Variants in SACM1L observed in about 807,000 individuals in gnomAD.
The protein encoded by SACM1L is phosphatidylinositol-3-phosphatase SAC1.
A neutral mutation model predicts 89.5 loss-of-function variants in SACM1L; 32 were observed. That is an observed-to-expected ratio of 0.36 (90% CI 0.27 to 0.48). The LOEUF (loss-of-function observed/expected upper bound fraction) is 0.48, where lower values mean the gene tolerates loss of function less well. Ranked by LOEUF, SACM1L falls within the 20% of genes least tolerant of loss-of-function variation. SACM1L has a pLI of 0.99. For missense variants in SACM1L, 543 were observed against 708.5 expected (o/e 0.77, Z 2.65); for synonymous variants, 213 against 232.8 (o/e 0.92, Z 0.77).
chr3:45,733,096 G>A (rs1197763326), intron 13 of SACM1L, among the ~76,000 whole-genome samples: 1 of 152,216 alleles, frequency 6.6e-6, no homozygotes, highest in Non-Finnish European at 1.5e-5. Flanking sequence ...TGTTGTTGGA[G>A]GAGGTAGTTC....
At chr3:45,713,974 G>T (rs1698582389) in intron 6 of SACM1L, 72 bp from the exon 7 acceptor site, 3 of 785,022 alleles carry the variant, frequency 3.8e-6, no homozygotes, top group Non-Finnish European at 5.9e-6. Context: ...ACCTCCCTAT[G>T]TGTAAATATT....
At chr3:45,731,834 T>C (rs1699060953) in intron 12 of SACM1L, among the ~76,000 whole-genome samples, 1 of 152,182 alleles carries the variant, frequency 6.6e-6, no homozygotes, top group Admixed American at 6.5e-5. Flanking sequence ...GCACATATCA[T>C]ATATATATTT....
intron 7 of SACM1L, among the ~76,000 whole-genome samples, chr3:45,715,489 T>C (rs1698630123): frequency 1.3e-5 from 2 of 152,174 alleles, no homozygotes; most frequent in African/African-American, 4.8e-5. Context: ...TAAATGTGTT[T>C]ATTCAGCCGG....
At chr3:45,717,785 A>C (rs1698695092) in intron 7 of SACM1L, among the ~76,000 whole-genome samples, 1 of 152,242 alleles carries the variant, frequency 6.6e-6, no homozygotes, top group African/African-American at 2.4e-5. Flanking sequence ...ACATGGTGGC[A>C]TGTGCCTGTA....
intron 19 of SACM1L, 43 bp from the exon 20 acceptor site, chr3:45,743,490 C>G: frequency 6.4e-7 from 1 of 1,571,924 alleles, no homozygotes; most frequent in Non-Finnish European, 8.6e-7. Flanking sequence ...GGTCTGATAT[C>G]AACAAACGAC....
At chr3:45,714,187 G>A in intron 7 of SACM1L, 108 bp downstream of exon 7, 3 of 483,508 alleles carry the variant, frequency 6.2e-6, no homozygotes, top group South Asian at 5.2e-5. Context: ...GAGTATTTCA[G>A]AATTAATATA....
rs1255397907 is a variant in SACM1L at position 45,737,792 on chromosome 3, G to A, written c.1330G>A (p.Ala444Thr). 1 of 1,614,132 alleles carries A rather than the reference G, an allele frequency of 6.2e-7. No individual in the cohort carries two copies. Among genetic ancestry groups the A allele is most frequent in the East Asian group, 2.2e-5 (1 of 44,890 alleles). The change falls in exon 16 of 20, where the codon GCT becomes ACT. Residue 444 changes from alanine to threonine, a missense_variant. Physicochemically the swap from Ala to Thr is moderately conservative, Grantham distance 58 (BLOSUM62 0). This residue lies in a region of SACM1L where 370 missense variants were observed against 527.6 expected (regional missense o/e 0.70). Transcript: ENST00000389061. ...YKNAWADNAN[A>T]CAKQYAGTGA... ...TACAGCCTGGGCTGACAACGCAAAT[G>A]CTTGTGCCAAGCAATATGCGGGAAC... is the stretch of plus-strand genomic sequence containing the variant.
At chr3:45,734,383 A>G (rs1252720327) in intron 13 of SACM1L, among the ~76,000 whole-genome samples, 2 of 151,766 alleles carry the variant, frequency 1.3e-5, no homozygotes, top group Non-Finnish European at 2.9e-5. Context: ...ACTGTGCTTC[A>G]GTCTGGGTGA....
chr3:45,734,155 G>C (rs1476176216), intron 13 of SACM1L, among the ~76,000 whole-genome samples: 1 of 135,746 alleles, frequency 7.4e-6, no homozygotes, highest in African/African-American at 2.8e-5. Context: ...GCTCACGCCT[G>C]TAATCCCAGC....
chr3:45,737,487 G>C (rs1169437759), intron 14 of SACM1L, 96 bp from the exon 15 acceptor site: 1 of 1,193,724 alleles, frequency 8.4e-7, no homozygotes, highest in Non-Finnish European at 1.2e-6. Context: ...CAGCAACCAG[G>C]CACCATGAGA....
At chr3:45,722,632 A>C (rs913541137) in intron 9 of SACM1L, among the ~76,000 whole-genome samples, 1 of 152,254 alleles carries the variant, frequency 6.6e-6, no homozygotes, top group Non-Finnish European at 1.5e-5. Flanking sequence ...TTTCAAGGAA[A>C]TAACTGTCTA....
rs3733106 is a variant in SACM1L at position 45,739,656 on chromosome 3, C to G, written c.1627+12C>G. The G allele has an allele frequency of 1.2e-6, 2 of 1,612,782 alleles. No homozygotes were observed. Among genetic ancestry groups the G allele is most frequent in the Non-Finnish European group, 1.7e-6 (2 of 1,178,994 alleles). On this transcript the variant is annotated intron_variant, in intron 19 of 19. Transcript: ENST00000389061. ...TTTGCTTATGGCTGGTAAGTCTGCT[C>G]CACACATTTGTTTCTTAGTTAGAAT... is the stretch of plus-strand genomic sequence containing the variant.
At chr3:45,695,330 G>A (rs149334559) in intron 1 of SACM1L, among the ~76,000 whole-genome samples, 3,583 of 151,658 alleles carry the variant, frequency 0.024, 55 homozygotes, top group Non-Finnish European at 0.04. Context: ...GCGCAGTCTC[G>A]GCTCACCACA....
At chr3:45,721,287 C>T (rs571171933) in intron 8 of SACM1L, among the ~76,000 whole-genome samples, 41 of 152,274 alleles carry the variant, frequency 2.7e-4, no homozygotes, top group African/African-American at 7.9e-4. Context: ...TTTGGGAGGC[C>T]GAGGCAGGCA....
At chr3:45,727,778 G>A (rs1218393535) in intron 11 of SACM1L, among the ~76,000 whole-genome samples, 1 of 152,098 alleles carries the variant, frequency 6.6e-6, no homozygotes, top group Non-Finnish European at 1.5e-5. Context: ...TGTATTTTTA[G>A]TAGAGATGGG....
At chr3:45,697,057 TTAAAAG>T (rs1405707131) in intron 1 of SACM1L, among the ~76,000 whole-genome samples, 2 of 152,038 alleles carry the variant, frequency 1.3e-5, no homozygotes, top group Non-Finnish European at 2.9e-5. Flanking sequence ...CTCAAAATAA[TTAAAAG>T]TAAGGTCTCA....
Position 45,730,151 on chromosome 3 carries a change from A to G in SACM1L, c.922-1150A>G, listed in dbSNP as rs575011420. 4.6e-5 allele frequency among the ~76,000 whole-genome samples: 7 copies of G among 152,138 alleles called. No individual in the cohort carries two copies. The South Asian group carries it at 1.5e-3, about 32-fold the overall frequency. On this transcript the variant is annotated intron_variant, in intron 11 of 19. Coordinates refer to ENST00000389061, the MANE Select transcript of SACM1L (RefSeq NM_014016.5). ...AGCCAAGTCCTGTCTTGGCTTCCAC[A>G]GGAACAGTTTCTGTCAATTTCTTAT...
intron 18 of SACM1L, among the ~76,000 whole-genome samples, 167 bp downstream of exon 18, chr3:45,739,040 G>A (rs1018732244): frequency 3.9e-5 from 6 of 152,106 alleles, no homozygotes; most frequent in Non-Finnish European, 7.4e-5. Context: ...CAGTAACTGT[G>A]GAGCATTTGT....
intron 19 of SACM1L, among the ~76,000 whole-genome samples, chr3:45,742,399 T>C (rs1191482341): frequency 2.0e-5 from 3 of 152,202 alleles, no homozygotes; most frequent in African/African-American, 7.2e-5. Flanking sequence ...AAAACAAATG[T>C]AGCATGATCT....
Sources: allele counts gnomAD v4.1 joint callset (sites outside exome capture counted in the v4.1 genomes callset), GRCh38; gene constraint gnomAD v4.1.1; regional missense constraint gnomAD v4.1.1; transcripts MANE v1.5; gene names NCBI Gene and HGNC (gene_info 2026-07-23, HGNC 2026-07-21).